SHOX: variants seen among roughly 807,000 people sequenced by gnomAD.
The protein encoded by SHOX is short stature homeobox protein.
In SHOX, 12 loss-of-function variants were observed where a neutral mutation model predicts 29.6. That is an observed-to-expected ratio of 0.41 (90% CI 0.26 to 0.66). The LOEUF (loss-of-function observed/expected upper bound fraction) is 0.66. Among genes scored for constraint, SHOX ranks in the 30% least tolerant of loss-of-function variants. The pLI, the probability that SHOX is intolerant of heterozygous loss-of-function variation, is 0.35. For missense variants in SHOX, 499 were observed against 437.7 expected, an observed-to-expected ratio of 1.14 and a Z score of -1.25; for synonymous variants, 214 against 200.6, an observed-to-expected ratio of 1.07 and a Z score of -0.57.
chrX:635,284 G>C (rs2052725578), intron 2 of SHOX, among the ~76,000 whole-genome samples: 1 of 151,808 alleles, frequency 6.6e-6, no homozygotes, highest in Non-Finnish European at 1.5e-5. Context: ...GATCCAGAGT[G>C]TTTTACAAGA....
downstream of SHOX, among the ~76,000 whole-genome samples, chrX:655,417 C>A (rs1422431807): frequency 6.6e-6 from 1 of 151,688 alleles, no homozygotes; most frequent in Non-Finnish European, 1.5e-5. Flanking sequence ...CCAGCCTCAG[C>A]AACAAAGTGA....
chrX:639,586 C>T (rs1407476208), intron 2 of SHOX, among the ~76,000 whole-genome samples: 1 of 152,248 alleles, frequency 6.6e-6, no homozygotes, highest in Non-Finnish European at 1.5e-5. Context: ...GCGGGGCGCC[C>T]ACACAGAACG....
At chrX:656,181 A>G (rs2053143652), downstream of SHOX, among the ~76,000 whole-genome samples, 1 of 151,380 alleles carries the variant, frequency 6.6e-6, no homozygotes, top group African/African-American at 2.4e-5. Flanking sequence ...GTGGTGACTC[A>G]TGCCTGTAAT....
At chrX:636,385 A>G (rs1301387725) in intron 2 of SHOX, among the ~76,000 whole-genome samples, 3 of 85,058 alleles carry the variant, frequency 3.5e-5, no homozygotes, top group African/African-American at 1.0e-4. Flanking sequence ...AACATATTGT[A>G]TATATATAAA....
At chrX:628,585 G>C (rs1423058474), upstream of SHOX, among the ~76,000 whole-genome samples, 4 of 44,846 alleles carry the variant, frequency 8.9e-5, 1 homozygote, top group South Asian at 6.6e-4. Flanking sequence ...CTCCCTGTCT[G>C]TGTCTCTCTT....
At chrX:653,971 T>A (rs2053103011), downstream of SHOX, among the ~76,000 whole-genome samples, 1 of 152,110 alleles carries the variant, frequency 6.6e-6, no homozygotes, top group South Asian at 2.1e-4. Context: ...ATTGAACTCA[T>A]AAGCAAGAGA....
chrX:658,778 T>C, intron 5 of SHOX: 1 of 403,710 alleles, frequency 2.5e-6, no homozygotes, highest in Non-Finnish European at 5.0e-6. Context: ...CCTTTTTTTT[T>C]TTTTAGATGG....
chrX:634,942 G>T (rs1603285480), intron 2 of SHOX, 116 bp downstream of exon 2: 2 of 1,138,934 alleles, frequency 1.8e-6, no homozygotes. Context: ...CCCGGAGCGC[G>T]GGGAGGTTGG....
intron 1 of SHOX, among the ~76,000 whole-genome samples, chrX:633,748 C>G (rs760307184): frequency 6.6e-6 from 1 of 152,032 alleles, no homozygotes; most frequent in Non-Finnish European, 1.5e-5. Flanking sequence ...AACAGAGGGG[C>G]GTTGGAGATG....
rs149609259 is a variant in SHOX at position 634,703 on chromosome X, C to T, written c.363C>T (p.Arg121=). 6.2e-7 allele frequency: 1 copy of T among 1,613,864 alleles called. No homozygotes were observed. The highest frequency in any genetic ancestry group is 1.1e-5 in the South Asian group (1 of 91,028). ...GQTKLKQRRS[R]TNFTLEQLNE... ...CCAAGCTGAAACAGAGGCGCAGCCG[C>T]ACCAACTTCACGCTGGAGCAGCTGA... is the stretch of plus-strand genomic sequence containing the variant. Residue 121 remains arginine (R), a synonymous_variant, in exon 2 of 5, where the codon CGC becomes CGT. Transcript: ENST00000686671.
chrX:642,709 G>C (rs1439345583), intron 4 of SHOX, among the ~76,000 whole-genome samples: 4 of 152,220 alleles, frequency 2.6e-5, no homozygotes. Context: ...TGGGGACCTG[G>C]TGTCCCCGGG....
intron 2 of SHOX, among the ~76,000 whole-genome samples, chrX:639,868 G>T (rs2052820008): frequency 6.6e-6 from 1 of 151,102 alleles, no homozygotes; most frequent in Admixed American, 6.6e-5. Context: ...AGGCATGGTG[G>T]TGAGCACCTG....
intron 4 of SHOX, among the ~76,000 whole-genome samples, chrX:642,723 A>G (rs2052877129): frequency 1.3e-5 from 2 of 150,776 alleles, no homozygotes; most frequent in East Asian, 4.0e-4. Flanking sequence ...CCCCGGGAAA[A>G]ACTTGGGGAC....
At chrX:653,956 C>G (rs1268875346), downstream of SHOX, among the ~76,000 whole-genome samples, 3 of 151,994 alleles carry the variant, frequency 2.0e-5, no homozygotes. Context: ...TGCAAGCATG[C>G]CTATATTGAA....
At chrX:658,781 T>C in intron 5 of SHOX, 1 of 396,676 alleles carries the variant, frequency 2.5e-6, no homozygotes, top group South Asian at 1.8e-5. Flanking sequence ...TTTTTTTTTT[T>C]TAGATGGAGT....
Position 635,859 on chromosome X carries a change from A to AGG in SHOX, c.486+1034_486+1035insGG, listed in dbSNP as rs1240972176. On this transcript the variant is annotated intron_variant, in intron 2 of 4. Coordinates refer to ENST00000686671, the MANE Select transcript of SHOX (RefSeq NM_000451.4). ...GGGCAGGACAGAAGTGGGGGGAGGG[A>AGG]GAGAGAGAGAGAGAGAGAGAGAGAG... Among the ~76,000 whole-genome samples the AGG allele has an allele frequency of 3.3e-4, 7 of 21,490 alleles. No individual in the cohort carries two copies. The East Asian group carries it at 0.023, about 71-fold the overall frequency. The allele number at this position is 21,490 out of a possible 152,430, so 14.1% of individuals were successfully genotyped here.
At chrX:638,082 G>A (rs781264148) in intron 2 of SHOX, among the ~76,000 whole-genome samples, 2 of 152,196 alleles carry the variant, frequency 1.3e-5, no homozygotes, top group African/African-American at 4.8e-5. Flanking sequence ...ATCGCATTAC[G>A]GCATTTGGGA....
At chrX:653,690 T>C (rs1437520211), downstream of SHOX, among the ~76,000 whole-genome samples, 1 of 152,196 alleles carries the variant, frequency 6.6e-6, no homozygotes, top group East Asian at 1.9e-4. Flanking sequence ...TGAGTTTTTA[T>C]GTAACAGATT....
intron 1 of SHOX, 82 bp downstream of exon 1, chrX:631,256 C>G: frequency 1.3e-6 from 2 of 1,526,810 alleles, no homozygotes; most frequent in Non-Finnish European, 1.8e-6. Context: ...CCCGCGCGCC[C>G]CTCGCTGTGC....
Sources: allele counts gnomAD v4.1 joint callset (sites outside exome capture counted in the v4.1 genomes callset), GRCh38; gene constraint gnomAD v4.1.1; transcripts MANE v1.5; gene names NCBI Gene and HGNC (gene_info 2026-07-23, HGNC 2026-07-21).